MYO18B: variants seen among roughly 807,000 people sequenced by gnomAD.
MYO18B encodes the protein unconventional myosin-XVIIIb.
MYO18B carries 204 observed loss-of-function variants against 273.0 expected under a neutral mutation model. The ratio of observed to expected loss-of-function variants is 0.75; its 90% CI spans 0.67 to 0.84. MYO18B has a LOEUF of 0.84. MYO18B is among the 40% of genes least tolerant of loss of function. The probability of loss-of-function intolerance (pLI) is 0.00; values close to 1 mark genes in which losing one functional copy is unlikely to be tolerated. For synonymous variants in MYO18B, 1,330 were observed against 1,305.7 expected (o/e 1.02, Z -0.40); for missense variants, 3,212 against 3,287.6 (o/e 0.98, Z 0.56).
At chr22:25,810,353 C>G (rs939485581) in intron 12 of MYO18B, among the ~76,000 whole-genome samples, 1 of 150,974 alleles carries the variant, frequency 6.6e-6, no homozygotes, top group Non-Finnish European at 1.5e-5. Flanking sequence ...CTGCCTCAGC[C>G]TCCCAAAGTG....
intron 12 of MYO18B, among the ~76,000 whole-genome samples, chr22:25,817,663 C>T (rs552761093): frequency 2.1e-4 from 32 of 152,218 alleles, no homozygotes; most frequent in Admixed American, 1.9e-3. Flanking sequence ...TCATTAGATC[C>T]GCAAGAGATT....
chr22:25,881,092 A>C (rs959003466), intron 25 of MYO18B, among the ~76,000 whole-genome samples: 1 of 152,124 alleles, frequency 6.6e-6, no homozygotes, highest in Non-Finnish European at 1.5e-5. Flanking sequence ...AACAGAACCT[A>C]CTCTTCTTCC....
chr22:25,777,583 G>A lies in MYO18B; in HGVS notation c.1870G>A (p.Val624Met). The A allele has an allele frequency of 6.3e-7, 1 of 1,583,952 alleles. No individual in the cohort carries two copies. ...RGPSVPSAGK[V>M]PKGRRDGLPA... ...GCTGATACCTGTGATCTTCCTGCAG[G>A]TGCCCAAGGGCCGCCGGGATGGCCT... Residue 624 changes from valine (V) to methionine (M), a missense_variant and splice_region_variant, in exon 8 of 44, where the codon GTG becomes ATG. Coordinates refer to ENST00000335473, the MANE Select transcript of MYO18B (RefSeq NM_032608.7).
At chr22:26,024,710 C>T (rs1163304132) in intron 42 of MYO18B, among the ~76,000 whole-genome samples, 1 of 152,154 alleles carries the variant, frequency 6.6e-6, no homozygotes, top group Non-Finnish European at 1.5e-5. Flanking sequence ...CACACAGGCC[C>T]CCAGCCTGGG....
At chr22:25,924,567 C>T (rs889429481) in intron 34 of MYO18B, among the ~76,000 whole-genome samples, 5 of 152,152 alleles carry the variant, frequency 3.3e-5, no homozygotes, top group Non-Finnish European at 4.4e-5. Context: ...ACTGCAGGGG[C>T]GTCCTGTTTA....
chr22:26,043,979 CACA>C, the MYO18B span, among the ~76,000 whole-genome samples: 1 of 152,322 alleles, frequency 6.6e-6, no homozygotes, highest in South Asian at 2.1e-4. Context: ...CCAGCTCCTC[CACA>C]TGCTTAGCCT....
intron 20 of MYO18B, among the ~76,000 whole-genome samples, chr22:25,851,144 A>T (rs2090415461): frequency 6.6e-6 from 1 of 152,178 alleles, no homozygotes; most frequent in Admixed American, 6.5e-5. Flanking sequence ...TCTCCCCTGC[A>T]TGAGTTCTCA....
chr22:25,923,876 T>C (rs1177701031), intron 34 of MYO18B, among the ~76,000 whole-genome samples: 1 of 152,240 alleles, frequency 6.6e-6, no homozygotes, highest in East Asian at 1.9e-4. Context: ...CTTTTTCTTT[T>C]TTTTTTATTA....
At position 25,868,314 on chromosome 22, in the gene MYO18B, C is replaced by T. The variant is rs1230459041; in HGVS notation, c.3886-6C>T. On this transcript the variant is annotated splice_region_variant and splice_polypyrimidine_tract_variant and intron_variant, in intron 21 of 43. Transcript: ENST00000335473. ...CTGTCTAACTTCTCTCTAATTTTTT[C>T]CCCAGGCCGTGGAGGAGCTCCTGGA... is the stretch of plus-strand genomic sequence containing the variant. The T allele has an allele frequency of 2.5e-6, 4 of 1,596,866 alleles. No individual in the cohort carries two copies. The highest frequency in any genetic ancestry group is 3.5e-5 in the Admixed American group (2 of 57,552).
intron 39 of MYO18B, among the ~76,000 whole-genome samples, chr22:25,987,598 AAC>A (rs1327075571): frequency 6.6e-6 from 1 of 152,124 alleles, no homozygotes. Flanking sequence ...TTCATCCCCA[AAC>A]ATGTATTGAG....
At chr22:25,860,564 C>T (rs757106617) in intron 21 of MYO18B, among the ~76,000 whole-genome samples, 1 of 152,156 alleles carries the variant, frequency 6.6e-6, no homozygotes, top group Non-Finnish European at 1.5e-5. Flanking sequence ...TTTCTAATTC[C>T]TAGTGTGATT....
intron 38 of MYO18B, among the ~76,000 whole-genome samples, chr22:25,954,552 C>T (rs1476869249): frequency 6.6e-6 from 1 of 152,104 alleles, no homozygotes; most frequent in Non-Finnish European, 1.5e-5. Flanking sequence ...CCCTGGGACA[C>T]AGGTACTATC....
intron 36 of MYO18B, among the ~76,000 whole-genome samples, chr22:25,948,533 T>TTCCTTCCTTCCTTCCTTCCTTCCTTCCG (rs2092754142): frequency 6.7e-6 from 1 of 148,452 alleles, no homozygotes. Context: ...TCTTTCTTCC[T>TTCCTTCCTTCCTTCCTTCCTTCCTTCCG]TCCTTCCTTC....
chr22:25,769,997 A>G, intron 4 of MYO18B, 113 bp from the exon 5 acceptor site: 1 of 1,078,982 alleles, frequency 9.3e-7, no homozygotes, highest in Admixed American at 1.8e-5. Context: ...GTTCTCCCCC[A>G]GGAGATTCTG....
At chr22:25,797,270 A>G (rs892888347) in intron 11 of MYO18B, among the ~76,000 whole-genome samples, 3 of 152,090 alleles carry the variant, frequency 2.0e-5, no homozygotes, top group Admixed American at 1.3e-4. Flanking sequence ...TCGACCACCT[A>G]TTGTCTCCCC....
intron 7 of MYO18B, among the ~76,000 whole-genome samples, chr22:25,775,413 G>A (rs1441869443): frequency 6.6e-6 from 1 of 152,198 alleles, no homozygotes; most frequent in African/African-American, 2.4e-5. Flanking sequence ...CCAAAGGACT[G>A]CGCTAGGGAG....
At chr22:25,787,740 G>C (rs902767575) in intron 11 of MYO18B, among the ~76,000 whole-genome samples, 3 of 152,050 alleles carry the variant, frequency 2.0e-5, no homozygotes, top group Non-Finnish European at 1.5e-5. Flanking sequence ...CAAATACTAG[G>C]GGGGCAGCTT....
chr22:25,769,017 C>A lies in MYO18B; in HGVS notation c.1101C>A (p.Asp367Glu). ...KTSQVQGELGDDLRMGEKAGE... is the reference protein window; with the variant it reads ...KTSQVQGELGEDLRMGEKAGE... The stretch of plus-strand genomic sequence containing the variant: ...GCCAAGTGCAGGGCGAGTTGGGGGA[C>A]GATCTGAGAATGGGGGAGAAAGCAG... Residue 367 changes from aspartate to glutamate, a missense_variant, in exon 4 of 44, where the codon GAC becomes GAA. Asp to Glu is a conservative substitution (Grantham distance 45). Coordinates refer to ENST00000335473, the MANE Select transcript of MYO18B (RefSeq NM_032608.7). 1 of 1,610,958 alleles carries A rather than the reference C, an allele frequency of 6.2e-7. No individual in the cohort carries two copies. Among genetic ancestry groups the A allele is most frequent in the Non-Finnish European group, 8.5e-7 (1 of 1,178,560 alleles).
At chr22:25,841,671 G>A (rs2090085492) in intron 17 of MYO18B, among the ~76,000 whole-genome samples, 2 of 152,276 alleles carry the variant, frequency 1.3e-5, no homozygotes, top group South Asian at 4.1e-4. Context: ...AGAGTGCTAG[G>A]AGCCGGGGCT....
Sources: gnomAD v4.1 joint callset for allele counts (sites outside exome capture counted in the v4.1 genomes callset) on GRCh38, gnomAD v4.1.1 for gene constraint, MANE v1.5 for transcripts, NCBI Gene and HGNC (gene_info 2026-07-23, HGNC 2026-07-21) for gene names.